Variants in MAMLD1 observed in about 807,000 individuals in gnomAD.
The protein encoded by MAMLD1 is mastermind-like domain-containing protein 1.
In MAMLD1, 14 loss-of-function variants were observed where a neutral mutation model predicts 45.0. That is an observed-to-expected ratio of 0.31 (90% confidence interval 0.21 to 0.49). The LOEUF is 0.49. MAMLD1 is among the 20% of genes least tolerant of loss of function. The pLI is 0.99. For synonymous variants in MAMLD1, 254 were observed against 247.8 expected, an observed-to-expected ratio of 1.02 and a Z score of -0.24; for missense variants, 543 against 603.6, an observed-to-expected ratio of 0.90 and a Z score of 1.05.
chrX:150,391,154 G>A (rs1376602231), intron 1 of MAMLD1, among the ~76,000 whole-genome samples: 1 of 111,075 alleles, frequency 9.0e-6, no homozygotes, highest in Non-Finnish European at 1.9e-5. Flanking sequence ...GATTTCTTTG[G>A]GTTTATTATG....
intron 3 of MAMLD1, among the ~76,000 whole-genome samples, chrX:150,468,215 G>A (rs1456045165): frequency 2.7e-5 from 3 of 111,959 alleles, no homozygotes; most frequent in African/African-American, 9.8e-5. Context: ...GTGCACCAAG[G>A]CCTGAGACAT....
intron 1 of MAMLD1, among the ~76,000 whole-genome samples, chrX:150,366,558 C>G (rs182134893): frequency 1.1e-4 from 12 of 112,349 alleles, no homozygotes; most frequent in African/African-American, 3.2e-4. Context: ...TTGAACCTGC[C>G]GGACAGACCA....
intron 1 of MAMLD1, among the ~76,000 whole-genome samples, chrX:150,422,260 G>A (rs1326164709): frequency 8.9e-6 from 1 of 112,381 alleles, no homozygotes; most frequent in Non-Finnish European, 1.9e-5. Flanking sequence ...TACATAGAGC[G>A]TCTGTCTTTA....
intron 1 of MAMLD1, among the ~76,000 whole-genome samples, chrX:150,369,177 A>T (rs1442157938): frequency 1.8e-5 from 2 of 110,347 alleles, no homozygotes; most frequent in Non-Finnish European, 3.8e-5. Context: ...TTTTTCTGCA[A>T]CAGTGCATTG....
chrX:150,431,143 C>T (rs1279172752), intron 1 of MAMLD1, among the ~76,000 whole-genome samples: 1 of 111,822 alleles, frequency 8.9e-6, no homozygotes, highest in Non-Finnish European at 1.9e-5. Flanking sequence ...TCAGTTTATA[C>T]GTCCTGTACA....
At chrX:150,417,362 G>C (rs1252132506) in intron 1 of MAMLD1, among the ~76,000 whole-genome samples, 2 of 104,703 alleles carry the variant, frequency 1.9e-5, no homozygotes, top group African/African-American at 7.0e-5. Context: ...TGGCTGCATA[G>C]TATTCCATGG....
At chrX:150,479,489 C>A (rs1169666733) in intron 5 of MAMLD1, among the ~76,000 whole-genome samples, 3 of 112,143 alleles carry the variant, frequency 2.7e-5, no homozygotes, top group Admixed American at 9.4e-5. Flanking sequence ...CTTAACATAT[C>A]TGAAGAGAAA....
At chrX:150,451,343 T>C (rs1464067279) in intron 2 of MAMLD1, among the ~76,000 whole-genome samples, 1 of 111,675 alleles carries the variant, frequency 9.0e-6, no homozygotes, top group East Asian at 2.8e-4. Flanking sequence ...GGGATGCTGT[T>C]AGACTCCAGG....
intron 5 of MAMLD1, among the ~76,000 whole-genome samples, chrX:150,479,370 T>G (rs1196204236): frequency 8.9e-6 from 1 of 111,999 alleles, no homozygotes; most frequent in East Asian, 2.8e-4. Flanking sequence ...TAGAGATCAA[T>G]AGATACAATT....
intron 1 of MAMLD1, among the ~76,000 whole-genome samples, chrX:150,375,735 C>T (rs373033688): frequency 2.1e-5 from 2 of 93,644 alleles, no homozygotes; most frequent in East Asian, 3.0e-4. Context: ...AGGGTCACTA[C>T]GCAGAGTGGC....
Position 150,471,313 on chromosome X carries a change from G to A in MAMLD1, c.1740G>A (p.Gln580=), listed in dbSNP as rs1557406524. Residue 580 remains glutamine, a synonymous_variant, in exon 4 of 8, where the codon CAG becomes CAA. Coordinates refer to ENST00000370401, the MANE Select transcript of MAMLD1 (RefSeq NM_005491.5). ...ACCTGCAGCAGCCGACACCAACGCA[G>A]GCCTCCTCAGCCACTGCCTCCTCCA... The part of the protein sequence containing the change: ...LHYLQQPTPT[Q]ASSATASSTA... 8.3e-7 allele frequency: 1 copy of A among 1,210,896 alleles called. No homozygotes were observed. Among genetic ancestry groups the A allele is most frequent in the Non-Finnish European group, 1.1e-6 (1 of 895,308 alleles).
chrX:150,505,055 T>G, intron 6 of MAMLD1: 1 of 753,991 alleles, frequency 1.3e-6, no homozygotes, highest in Non-Finnish European at 1.6e-6. Context: ...AGAATAGAGT[T>G]TGCAGCAGTC....
At chrX:150,398,331 A>AGAGGAAGAG (rs1569564618) in intron 1 of MAMLD1, among the ~76,000 whole-genome samples, 5 of 67,014 alleles carry the variant, frequency 7.5e-5, no homozygotes, top group African/African-American at 2.3e-4. Context: ...AAGAAGAAGA[A>AGAGGAAGAG]GAAGAAGAAG....
intron 1 of MAMLD1, among the ~76,000 whole-genome samples, chrX:150,372,710 G>T (rs1557401140): frequency 1.8e-5 from 2 of 111,824 alleles, no homozygotes; most frequent in African/African-American, 6.5e-5. Flanking sequence ...TGACACACTT[G>T]GTGTTAAAAT....
chrX:150,476,194 G>T lies in MAMLD1; in HGVS notation c.2040+2392G>T, dbSNP rs73615217. Among the ~76,000 whole-genome samples the T allele has an allele frequency of 6.9e-3, 771 of 111,474 alleles. 7 individuals are homozygous for T. The highest frequency in any genetic ancestry group is 0.024 in the African/African-American group (732 of 30,604). ...TGCAACACCCAGCACTGGTTTGTCA[G>T]ATTTTAATGACCCCAAATTGCGTCA... On this transcript the variant is annotated intron_variant, in intron 5 of 7. Transcript: ENST00000370401.
Position 150,503,320 on chromosome X carries a change from A to T in MAMLD1, c.2087A>T (p.Gln696Leu), listed in dbSNP as rs1160856055. ...ACKLGEARHP[Q>L]VSLGRQPPSC... is the part of the protein sequence containing the mutation. ...AAGCTTGGGGAAGCCAGGCACCCCC[A>T]GGTCAGCCTCGGGCGACAGCCCCCG... Residue 696 changes from glutamine (Q) to leucine (L), a missense_variant, in exon 6 of 8, where the codon CAG (glutamine) becomes CTG (leucine). By Grantham distance (113) the Gln-to-Leu change is moderately radical (BLOSUM62 -2). Transcript: ENST00000370401. 7.4e-6 allele frequency: 9 copies of T among 1,210,933 alleles called. No homozygotes were observed. The highest frequency in any genetic ancestry group is 1.0e-5 in the Non-Finnish European group (9 of 895,230).
At chrX:150,413,045 G>T (rs2034163019) in intron 1 of MAMLD1, among the ~76,000 whole-genome samples, 1 of 111,193 alleles carries the variant, frequency 9.0e-6, no homozygotes, top group African/African-American at 3.3e-5. Flanking sequence ...GTTAAGGTAA[G>T]TACTATTAAT....
At chrX:150,431,602 G>C (rs1557404059) in intron 1 of MAMLD1, among the ~76,000 whole-genome samples, 1 of 110,116 alleles carries the variant, frequency 9.1e-6, no homozygotes, top group African/African-American at 3.3e-5. Flanking sequence ...AGTGTCTGTT[G>C]TTCCCCTCTT....
chrX:150,422,143 C>T (rs967367872), intron 1 of MAMLD1, among the ~76,000 whole-genome samples: 8 of 112,322 alleles, frequency 7.1e-5, no homozygotes, highest in East Asian at 2.8e-4. Context: ...TCAGTGATGT[C>T]GGCACTTCTT....
Sources: gnomAD v4.1 joint callset for allele counts (sites outside exome capture counted in the v4.1 genomes callset) on GRCh38, gnomAD v4.1.1 for gene constraint, MANE v1.5 for transcripts, NCBI Gene and HGNC (gene_info 2026-07-23, HGNC 2026-07-21) for gene names.